The following BMP6 variants were observed in gnomAD, a reference collection of about 807,000 sequenced individuals.
The protein encoded by BMP6 is bone morphogenetic protein 6.
BMP6 carries 17 observed loss-of-function variants against 54.1 expected under a neutral mutation model. That is an observed-to-expected ratio of 0.31 (90% CI 0.22 to 0.47). The LOEUF (loss-of-function observed/expected upper bound fraction) is 0.47. Ranked by LOEUF, BMP6 falls within the 20% of genes least tolerant of loss-of-function variation. BMP6 has a pLI of 1.00. For synonymous variants in BMP6, 328 were observed against 291.2 expected (o/e 1.13, Z -1.28); for missense variants, 720 against 690.4 (o/e 1.04, Z -0.48).
chr6:7,761,203 A>T (rs1261009736), intron 1 of BMP6, among the ~76,000 whole-genome samples: 1 of 152,196 alleles, frequency 6.6e-6, no homozygotes, highest in Non-Finnish European at 1.5e-5. Context: ...ACTCTGTTGG[A>T]GCTTATGAGT....
At chr6:7,782,976 T>A (rs975373512) in intron 1 of BMP6, among the ~76,000 whole-genome samples, 5 of 152,148 alleles carry the variant, frequency 3.3e-5, no homozygotes, top group Admixed American at 3.3e-4. Flanking sequence ...TGGCGGTCAC[T>A]GATCATTGAG....
At chr6:7,868,065 G>A (rs1048465418) in intron 4 of BMP6, among the ~76,000 whole-genome samples, 7 of 152,224 alleles carry the variant, frequency 4.6e-5, no homozygotes, top group Admixed American at 1.3e-4. Flanking sequence ...TATAGAAGGT[G>A]CTTAGAGCAC....
At chr6:7,741,156 C>G (rs979440700) in intron 1 of BMP6, among the ~76,000 whole-genome samples, 2 of 152,324 alleles carry the variant, frequency 1.3e-5, no homozygotes, top group Admixed American at 1.3e-4. Context: ...AACCCCAGTT[C>G]AAATGCCATC....
At chr6:7,854,027 A>G (rs1478265232) in intron 2 of BMP6, among the ~76,000 whole-genome samples, 3 of 152,250 alleles carry the variant, frequency 2.0e-5, no homozygotes. Flanking sequence ...GTTATAAAGA[A>G]TCATATACAC....
At chr6:7,793,571 A>G (rs779204380) in intron 1 of BMP6, among the ~76,000 whole-genome samples, 2 of 151,886 alleles carry the variant, frequency 1.3e-5, no homozygotes, top group Non-Finnish European at 2.9e-5. Flanking sequence ...TAACTAATGT[A>G]CCACTTTGGT....
rs965085041 is a variant in BMP6, at chr6:7,842,351, G to A, written c.665-2789G>A. Among the ~76,000 whole-genome samples, 3 of 152,270 alleles carry A rather than the reference G, an allele frequency of 2.0e-5. No individual in the cohort carries two copies. In the East Asian group the frequency reaches 5.8e-4, roughly 29 times the overall value. The stretch of plus-strand genomic sequence containing the variant: ...GCCTCAGCTGAGGTGCTTGGGGACA[G>A]GCTGGACAGTTTGTGTGTTCTGTCT... On this transcript the variant is annotated intron_variant, in intron 1 of 6. Transcript: ENST00000283147.
chr6:7,791,298 T>TA (rs1350255209), intron 1 of BMP6, among the ~76,000 whole-genome samples: 4 of 152,204 alleles, frequency 2.6e-5, no homozygotes, highest in Non-Finnish European at 5.9e-5. Flanking sequence ...TCAGTAGACC[T>TA]CTGAGTCCCT....
At chr6:7,864,951 T>TG (rs1296552266) in intron 4 of BMP6, among the ~76,000 whole-genome samples, 1 of 152,214 alleles carries the variant, frequency 6.6e-6, no homozygotes, top group African/African-American at 2.4e-5. Flanking sequence ...AGTCTGCCAA[T>TG]GGTAGGCTTC....
chr6:7,796,801 G>GT (rs1229227005), intron 1 of BMP6, among the ~76,000 whole-genome samples: 2 of 152,068 alleles, frequency 1.3e-5, no homozygotes, highest in Non-Finnish European at 2.9e-5. Context: ...ACAAAAGAAG[G>GT]TTGCTGTATT....
At chr6:7,849,508 C>T (rs1403109327) in intron 2 of BMP6, among the ~76,000 whole-genome samples, 1 of 152,138 alleles carries the variant, frequency 6.6e-6, no homozygotes, top group African/African-American at 2.4e-5. Context: ...TTCATAGTCA[C>T]CTATGGTAGC....
chr6:7,790,514 CAA>C (rs35572440), intron 1 of BMP6, among the ~76,000 whole-genome samples: 2 of 73,502 alleles, frequency 2.7e-5, no homozygotes, highest in Non-Finnish European at 4.6e-5. Context: ...GACCCTGTCT[CAA>C]AAAAAAAAAA....
chr6:7,831,409 C>T (rs564278371), intron 1 of BMP6, among the ~76,000 whole-genome samples: 7 of 152,172 alleles, frequency 4.6e-5, no homozygotes, highest in African/African-American at 1.4e-4. Flanking sequence ...TGTACTAAAA[C>T]GCCACTGAAT....
intron 1 of BMP6, among the ~76,000 whole-genome samples, chr6:7,728,187 C>G (rs1761782622): frequency 6.6e-6 from 1 of 152,064 alleles, no homozygotes; most frequent in Non-Finnish European, 1.5e-5. Flanking sequence ...AGAGGGAAGT[C>G]CCAAAAGGAC....
chr6:7,881,423 C>CTGTT lies in BMP6; in HGVS notation c.*1083_*1086dup, dbSNP rs1759729083. 1 of 152,590 alleles carries CTGTT rather than the reference C, an allele frequency of 6.6e-6. No homozygotes were observed. Among genetic ancestry groups the CTGTT allele is most frequent in the Non-Finnish European group, 1.5e-5 (1 of 68,040 alleles). The allele number at this position is 152,590 out of a possible 1,614,324, so 9.5% of individuals were successfully genotyped here. On this transcript the variant is annotated 3_prime_UTR_variant, in exon 7 of 7. Coordinates refer to ENST00000283147, the MANE Select transcript of BMP6 (RefSeq NM_001718.6). ...TAAATAATACATTTATAATCTACAA[C>CTGTT]TGTTTGCACTTACAGCTTTTTTTGT... is the stretch of plus-strand genomic sequence containing the variant.
intron 1 of BMP6, among the ~76,000 whole-genome samples, chr6:7,799,089 A>G (rs1038067685): frequency 1.3e-5 from 2 of 152,232 alleles, no homozygotes; most frequent in Non-Finnish European, 2.9e-5. Flanking sequence ...AACATAGAAC[A>G]TGAAAACTTT....
intron 1 of BMP6, among the ~76,000 whole-genome samples, chr6:7,739,112 T>G: frequency 6.6e-6 from 1 of 152,272 alleles, no homozygotes; most frequent in East Asian, 1.9e-4. Flanking sequence ...GAAATAATAA[T>G]AAAAATAGGC....
At chr6:7,765,871 G>A (rs1757678951) in intron 1 of BMP6, among the ~76,000 whole-genome samples, 1 of 152,172 alleles carries the variant, frequency 6.6e-6, no homozygotes, top group African/African-American at 2.4e-5. Flanking sequence ...CTTGGCTTGT[G>A]ATACCCTCCT....
intron 1 of BMP6, among the ~76,000 whole-genome samples, chr6:7,783,999 G>T (rs554983128): frequency 6.6e-6 from 1 of 152,300 alleles, no homozygotes; most frequent in African/African-American, 2.4e-5. Flanking sequence ...CGAGGCTAAA[G>T]CCATGGCCGA....
intron 1 of BMP6, among the ~76,000 whole-genome samples, chr6:7,735,225 G>C (rs988627269): frequency 6.6e-6 from 1 of 152,216 alleles, no homozygotes; most frequent in African/African-American, 2.4e-5. Flanking sequence ...GTCTGCGTTT[G>C]TTGATTGTTG....
Sources: allele counts gnomAD v4.1 joint callset (sites outside exome capture counted in the v4.1 genomes callset), GRCh38; gene constraint gnomAD v4.1.1; transcripts MANE v1.5; gene names NCBI Gene and HGNC (gene_info 2026-07-23, HGNC 2026-07-21).